The following TMPRSS11E variants were observed in gnomAD, a reference collection of about 807,000 sequenced individuals.
TMPRSS11E encodes transmembrane protease serine 11E.
TMPRSS11E carries 38 observed loss-of-function variants against 48.1 expected under a neutral mutation model. That is an observed-to-expected ratio of 0.79 (90% CI 0.61 to 1.04). TMPRSS11E has a LOEUF of 1.04. Ranked by LOEUF, TMPRSS11E falls within the 50% of genes least tolerant of loss-of-function variation. TMPRSS11E has a pLI of 0.00. For synonymous variants in TMPRSS11E, 158 were observed against 171.9 expected, an observed-to-expected ratio of 0.92 and a Z score of 0.63; for missense variants, 530 against 510.8, an observed-to-expected ratio of 1.04 and a Z score of -0.36.
At chr4:68,494,415 ATTCAG>A (rs1434838400) in intron 9 of TMPRSS11E, among the ~76,000 whole-genome samples, 1 of 152,028 alleles carries the variant, frequency 6.6e-6, no homozygotes, top group Admixed American at 6.5e-5. Context: ...CTCCACATGT[ATTCAG>A]TTAAGTCCTA....
intron 1 of TMPRSS11E, among the ~76,000 whole-genome samples, chr4:68,460,143 G>A (rs1034867459): frequency 6.6e-6 from 1 of 152,102 alleles, no homozygotes; most frequent in Non-Finnish European, 1.5e-5. Context: ...AGCCCCTGGA[G>A]CCTTCCACTA....
rs573909081 is a variant in TMPRSS11E at position 68,474,101 on chromosome 4, A to G, written c.491-622A>G. 9.2e-5 allele frequency among the ~76,000 whole-genome samples: 14 copies of G among 152,220 alleles called. 1 individual carries two copies. In the South Asian group the frequency reaches 2.9e-3, roughly 32 times the overall value. ...ATCTATTAGCTGGGTTAGTGTTTGCATAGGGTTTGAGACTGACTAGTGAGA... is the reference window on the plus strand; with the variant it reads ...ATCTATTAGCTGGGTTAGTGTTTGCGTAGGGTTTGAGACTGACTAGTGAGA... On this transcript the variant is annotated intron_variant, in intron 5 of 9. Coordinates refer to ENST00000305363, the MANE Select transcript of TMPRSS11E (RefSeq NM_014058.4).
chr4:68,448,228 A>C lies in TMPRSS11E; in HGVS notation c.11+705A>C, dbSNP rs187057998. Among the ~76,000 whole-genome samples, 440 of 152,008 alleles carry C rather than the reference A, an allele frequency of 2.9e-3. 2 individuals carry two copies. Among genetic ancestry groups the C allele is most frequent in the Non-Finnish European group, 5.0e-3 (341 of 67,870 alleles). The stretch of plus-strand genomic sequence containing the variant: ...TCTCTGATTCTCATATTGGCATATC[A>C]TTTTTTATTAGTTTTTACTTTGAGA... On this transcript the variant is annotated intron_variant, in intron 1 of 9. Transcript: ENST00000305363.
intron 5 of TMPRSS11E, among the ~76,000 whole-genome samples, chr4:68,471,885 A>G (rs1004768842): frequency 6.6e-6 from 1 of 151,810 alleles, no homozygotes; most frequent in Non-Finnish European, 1.5e-5. Context: ...ATAGAATCCA[A>G]TTATAAGTGA....
At chr4:68,473,917 A>G (rs1230166443) in intron 5 of TMPRSS11E, among the ~76,000 whole-genome samples, 2 of 152,158 alleles carry the variant, frequency 1.3e-5, no homozygotes, top group Non-Finnish European at 2.9e-5. Flanking sequence ...GCCTTCTAGA[A>G]TATAGATTTC....
chr4:68,466,786 G>T (rs1728939122), intron 3 of TMPRSS11E, 34 bp downstream of exon 3: 1 of 1,611,446 alleles, frequency 6.2e-7, no homozygotes, highest in African/African-American at 1.3e-5. Context: ...TAGTGCATTT[G>T]CTTTCACTTT....
At chr4:68,488,771 C>A (rs1729634553) in intron 9 of TMPRSS11E, among the ~76,000 whole-genome samples, 1 of 152,138 alleles carries the variant, frequency 6.6e-6, no homozygotes, top group Admixed American at 6.5e-5. Context: ...GATCTCCTGA[C>A]CTCGTGATCT....
chr4:68,478,774 T>G, intron 8 of TMPRSS11E, 75 bp from the exon 9 acceptor site: 1 of 1,537,362 alleles, frequency 6.5e-7, no homozygotes, highest in East Asian at 2.3e-5. Flanking sequence ...ATCTTATTCC[T>G]AATCATGAAA....
intron 9 of TMPRSS11E, 131 bp downstream of exon 9, chr4:68,479,122 A>T (rs1729330753): frequency 9.8e-7 from 1 of 1,019,938 alleles, no homozygotes; most frequent in East Asian, 2.5e-5. Context: ...TTCTCCAATG[A>T]TTACATCTCA....
intron 9 of TMPRSS11E, 50 bp from the exon 10 acceptor site, chr4:68,496,593 C>T (rs753454151): frequency 1.3e-6 from 2 of 1,527,026 alleles, no homozygotes; most frequent in Admixed American, 2.1e-5. Context: ...TAGCCAATTC[C>T]TCTGTAATGA....
At chr4:68,472,411 T>C (rs1044741873) in intron 5 of TMPRSS11E, among the ~76,000 whole-genome samples, 4 of 126,958 alleles carry the variant, frequency 3.2e-5, no homozygotes, top group African/African-American at 5.6e-5. Context: ...AAACAAATAG[T>C]CAATGTAAAA....
intron 1 of TMPRSS11E, among the ~76,000 whole-genome samples, chr4:68,454,890 G>A (rs1332470106): frequency 1.3e-5 from 2 of 151,922 alleles, no homozygotes; most frequent in Non-Finnish European, 2.9e-5. Context: ...TGTATGCAAT[G>A]TGTAATGATC....
intron 1 of TMPRSS11E, among the ~76,000 whole-genome samples, chr4:68,450,662 T>G (rs1352393149): frequency 6.6e-6 from 1 of 151,800 alleles, no homozygotes; most frequent in Admixed American, 6.6e-5. Context: ...AGGAAAGAAG[T>G]GTGGAGGTGT....
intron 9 of TMPRSS11E, among the ~76,000 whole-genome samples, chr4:68,488,158 G>A (rs2603158): frequency 0.91 from 138,816 of 151,910 alleles, 63,520 homozygotes; most frequent in Middle Eastern, 0.97. Flanking sequence ...TGTCTTGTAT[G>A]TTATATCTCT....
intron 9 of TMPRSS11E, among the ~76,000 whole-genome samples, chr4:68,489,155 T>A (rs1183327680): frequency 6.6e-6 from 1 of 152,192 alleles, no homozygotes; most frequent in South Asian, 2.1e-4. Context: ...CTTTGATGCC[T>A]TTTGTGGTTT....
intron 9 of TMPRSS11E, among the ~76,000 whole-genome samples, chr4:68,482,716 G>A (rs1158113124): frequency 6.6e-6 from 1 of 151,160 alleles, no homozygotes; most frequent in Non-Finnish European, 1.5e-5. Flanking sequence ...AGGCTGCATT[G>A]AGCTGTGATC....
At chr4:68,467,197 T>C (rs907765057) in intron 3 of TMPRSS11E, among the ~76,000 whole-genome samples, 2 of 152,168 alleles carry the variant, frequency 1.3e-5, no homozygotes, top group African/African-American at 2.4e-5. Context: ...TTTTGGTATA[T>C]AAATCTGTAG....
At chr4:68,495,800 GA>G (rs1560563325) in intron 9 of TMPRSS11E, among the ~76,000 whole-genome samples, 2 of 151,956 alleles carry the variant, frequency 1.3e-5, no homozygotes, top group South Asian at 4.1e-4. Flanking sequence ...TAGTAACCCA[GA>G]AAAAATTAAC....
intron 9 of TMPRSS11E, among the ~76,000 whole-genome samples, chr4:68,495,515 T>A (rs967911172): frequency 5.3e-5 from 8 of 152,182 alleles, no homozygotes; most frequent in African/African-American, 1.7e-4. Context: ...CATGTGTTTA[T>A]AATACTCTTT....
Sources: gnomAD v4.1 joint callset for allele counts (sites outside exome capture counted in the v4.1 genomes callset) on GRCh38, gnomAD v4.1.1 for gene constraint, MANE v1.5 for transcripts, NCBI Gene and HGNC (gene_info 2026-07-23, HGNC 2026-07-21) for gene names.